RCOR1: variants seen among roughly 807,000 people sequenced by gnomAD.
RCOR1 encodes REST corepressor.
A neutral mutation model predicts 64.0 loss-of-function variants in RCOR1; 12 were observed. The ratio of observed to expected loss-of-function variants is 0.19; its 90% CI spans 0.12 to 0.30. The LOEUF is 0.30. RCOR1 is among the 10% of genes least tolerant of loss of function. The probability of loss-of-function intolerance (pLI) is 1.00; values close to 1 mark genes in which losing one functional copy is unlikely to be tolerated. For synonymous variants in RCOR1, 279 were observed against 227.2 expected (o/e 1.23, Z -2.05); for missense variants, 502 against 621.2 (o/e 0.81, Z 2.04).
At position 102,708,550 on chromosome 14, in the gene RCOR1, A is replaced by G. The variant is rs1895900929; in HGVS notation, c.746A>G (p.His249Arg). The G allele has an allele frequency of 6.2e-7, 1 of 1,612,408 alleles. No individual in the cohort carries two copies. Reference sequence around the variant, plus strand: ...ACTAAAACTAGTGTGATGGATCGCCATGCCCGGAAACAAAAACGGGAGCGG... The same window carrying G: ...ACTAAAACTAGTGTGATGGATCGCCGTGCCCGGAAACAAAAACGGGAGCGG... ...TRTKTSVMDRHARKQKREREE... is the reference protein window; with the variant it reads ...TRTKTSVMDRRARKQKREREE... Residue 249 changes from histidine to arginine, a missense_variant, in exon 6 of 12, where the codon CAT becomes CGT. Transcript: ENST00000262241.
chr14:102,602,540 A>G (rs1044036397), intron 2 of RCOR1, among the ~76,000 whole-genome samples: 4 of 151,868 alleles, frequency 2.6e-5, no homozygotes, highest in Admixed American at 1.3e-4. Context: ...TGTAGCTAGG[A>G]TTACAGGCAT....
chr14:102,729,947 A>T lies in RCOR1; in HGVS notation c.*3441A>T. 1 of 399,076 alleles carries T rather than the reference A, an allele frequency of 2.5e-6. No homozygotes were observed. 24.7% of individuals were successfully genotyped at this position (399,076 alleles called of 1,614,324 possible). A position where few individuals can be genotyped will look rare whatever the true frequency, so the allele number is the denominator to read the frequency against. The stretch of plus-strand genomic sequence containing the variant: ...GTGAAACTTTCCTCAGATGGACTCC[A>T]GGTAGCCAGGTCACCTAAACCTAGT... On this transcript the variant is annotated 3_prime_UTR_variant, in exon 12 of 12. Coordinates refer to ENST00000262241, the MANE Select transcript of RCOR1 (RefSeq NM_015156.4).
Position 102,726,737 on chromosome 14 carries a change from C to A in RCOR1, c.*231C>A. The A allele has an allele frequency of 1.7e-5, 9 of 523,520 alleles. No homozygotes were observed. The highest frequency in any genetic ancestry group is 2.7e-5 in the Non-Finnish European group (8 of 301,106). The allele number at this position is 523,520 out of a possible 1,614,324, so 32.4% of individuals were successfully genotyped here. On this transcript the variant is annotated 3_prime_UTR_variant, in exon 12 of 12. Transcript: ENST00000262241. ...CTGCATCTCACACTCTGCCCACGTG[C>A]TGGGGAAGTCTCACGGCCTGCACAT...
intron 3 of RCOR1, among the ~76,000 whole-genome samples, chr14:102,683,422 G>A (rs559759740): frequency 2.0e-5 from 3 of 152,262 alleles, no homozygotes; most frequent in East Asian, 1.9e-4. Context: ...ACAGACTCCC[G>A]AGCCACGAGT....
intron 2 of RCOR1, among the ~76,000 whole-genome samples, chr14:102,674,014 CAG>C (rs1033697200): frequency 1.1e-4 from 16 of 152,162 alleles, no homozygotes; most frequent in African/African-American, 3.6e-4. Flanking sequence ...TTCAGATAAA[CAG>C]AACTACTAGA....
At chr14:102,678,361 G>A (rs1341122671) in intron 2 of RCOR1, among the ~76,000 whole-genome samples, 1 of 152,044 alleles carries the variant, frequency 6.6e-6, no homozygotes, top group East Asian at 1.9e-4. Flanking sequence ...GTGCAGTGGC[G>A]CGATCTTGGC....
At chr14:102,703,052 G>T (rs1478341228) in intron 4 of RCOR1, among the ~76,000 whole-genome samples, 1 of 152,164 alleles carries the variant, frequency 6.6e-6, no homozygotes, top group Non-Finnish European at 1.5e-5. Flanking sequence ...AAACCAAAAT[G>T]AAATTCTAGA....
intron 2 of RCOR1, among the ~76,000 whole-genome samples, chr14:102,653,971 C>CTTTCTTTT (rs1894659110): frequency 2.7e-5 from 1 of 37,434 alleles, no homozygotes; most frequent in Non-Finnish European, 4.9e-5. Context: ...TTCTTTCTTT[C>CTTTCTTTT]TTTCTTTCTT....
At chr14:102,717,542 G>T (rs1174702878) in intron 8 of RCOR1, among the ~76,000 whole-genome samples, 1 of 152,274 alleles carries the variant, frequency 6.6e-6, no homozygotes, top group South Asian at 2.1e-4. Context: ...TGATCTCACA[G>T]AATATGTCTG....
At position 102,701,202 on chromosome 14, in the gene RCOR1, G is replaced by A. The variant is rs550232665; in HGVS notation, c.446-76G>A. 24 of 1,173,778 alleles carry A rather than the reference G, an allele frequency of 2.0e-5. No homozygotes were observed. The African/African-American group carries it at 3.0e-4, about 15-fold the overall frequency. 72.7% of individuals were successfully genotyped at this position (1,173,778 alleles called of 1,614,324 possible). ...ATATCAGCAGGCCTGAAATATACAC[G>A]TATATCAATTCTAGCAGACCATAGG... On this transcript the variant is annotated intron_variant, in intron 3 of 11. Transcript: ENST00000262241.
chr14:102,694,342 C>T (rs954938685), intron 3 of RCOR1, among the ~76,000 whole-genome samples: 4 of 152,132 alleles, frequency 2.6e-5, no homozygotes, highest in African/African-American at 9.7e-5. Context: ...CTGCAACCTC[C>T]GCCTCCTGGG....
chr14:102,723,770 A>G lies in RCOR1; in HGVS notation c.1419+1354A>G, dbSNP rs537048518. Among the ~76,000 whole-genome samples the G allele has an allele frequency of 3.3e-5, 5 of 152,326 alleles. No homozygotes were observed. In the South Asian group the frequency reaches 1.0e-3, roughly 32 times the overall value. On this transcript the variant is annotated intron_variant, in intron 11 of 11. Coordinates refer to ENST00000262241, the MANE Select transcript of RCOR1 (RefSeq NM_015156.4). ...GGGAAGAACCATTAGAATTTGCAGGAATGAAAGCTTGCTTCTTGTGTGTGT... is the reference window on the plus strand; with the variant it reads ...GGGAAGAACCATTAGAATTTGCAGGGATGAAAGCTTGCTTCTTGTGTGTGT...
chr14:102,613,662 C>T (rs1175067409), intron 2 of RCOR1, among the ~76,000 whole-genome samples: 4 of 151,082 alleles, frequency 2.6e-5, no homozygotes, highest in African/African-American at 7.3e-5. Context: ...CCTCGTGATC[C>T]GCCCGCCTCG....
Position 102,607,924 on chromosome 14 carries a change from T to C in RCOR1, c.361+14599T>C, listed in dbSNP as rs371991017. Among the ~76,000 whole-genome samples, 5 of 151,834 alleles carry C rather than the reference T, an allele frequency of 3.3e-5. No individual in the cohort carries two copies. In the East Asian group the frequency reaches 9.7e-4, roughly 29 times the overall value. Reference sequence around the variant, plus strand: ...ACAAAAAATTAGCCAGGTGTGGCGGTGCACGCCTCTAATCCCAGCTACTTG... The same window carrying C: ...ACAAAAAATTAGCCAGGTGTGGCGGCGCACGCCTCTAATCCCAGCTACTTG... On this transcript the variant is annotated intron_variant, in intron 2 of 11. Transcript: ENST00000262241.
intron 2 of RCOR1, among the ~76,000 whole-genome samples, chr14:102,618,794 A>G (rs994040073): frequency 6.6e-6 from 1 of 152,204 alleles, no homozygotes; most frequent in Non-Finnish European, 1.5e-5. Flanking sequence ...TGCCTGGGGC[A>G]TAAACCTAGG....
intron 2 of RCOR1, among the ~76,000 whole-genome samples, chr14:102,670,758 T>C (rs1018389891): frequency 1.4e-5 from 2 of 146,008 alleles, no homozygotes; most frequent in African/African-American, 5.1e-5. Context: ...TATATATATA[T>C]TTATTTATTT....
At chr14:102,636,010 G>T (rs1001597599) in intron 2 of RCOR1, among the ~76,000 whole-genome samples, 10 of 150,532 alleles carry the variant, frequency 6.6e-5, no homozygotes, top group African/African-American at 2.4e-4. Flanking sequence ...TGTCACCACT[G>T]CAACCTCCGC....
intron 2 of RCOR1, among the ~76,000 whole-genome samples, chr14:102,619,944 T>C (rs1439763122): frequency 6.6e-6 from 1 of 152,242 alleles, no homozygotes; most frequent in Admixed American, 6.5e-5. Context: ...TAACTGCGTA[T>C]ATCTTTTTGT....
At chr14:102,628,538 C>CAA (rs371262191) in intron 2 of RCOR1, among the ~76,000 whole-genome samples, 3,922 of 127,264 alleles carry the variant, frequency 0.031, 174 homozygotes, top group African/African-American at 0.11. Flanking sequence ...ACTGCAACTC[C>CAA]AAAAAAAAAA....
Sources: gnomAD v4.1 joint callset for allele counts (sites outside exome capture counted in the v4.1 genomes callset) on GRCh38, gnomAD v4.1.1 for gene constraint, MANE v1.5 for transcripts, NCBI Gene and HGNC (gene_info 2026-07-23, HGNC 2026-07-21) for gene names.